SPATA1: variants seen among roughly 807,000 people sequenced by gnomAD.
SPATA1 encodes spermatogenesis-associated protein 1.
A neutral mutation model predicts 59.6 loss-of-function variants in SPATA1; 57 were observed. The observed-to-expected ratio is 0.96, with a 90% CI of 0.77 to 1.19. The LOEUF is 1.19. Ranked by LOEUF, SPATA1 falls within the 50% of genes most tolerant of loss-of-function variation. The pLI, the probability that SPATA1 is intolerant of heterozygous loss-of-function variation, is 0.00. For synonymous variants in SPATA1, 147 were observed against 163.9 expected (o/e 0.90, Z 0.79); for missense variants, 448 against 480.7 (o/e 0.93, Z 0.64).
At chr1:84,515,605 C>G (rs1304291442) in intron 1 of SPATA1, among the ~76,000 whole-genome samples, 1 of 151,966 alleles carries the variant, frequency 6.6e-6, no homozygotes, top group African/African-American at 2.4e-5. Flanking sequence ...ATTCAGCTAC[C>G]TTATTTTTTA....
chr1:84,543,233 C>T (rs983917338), intron 8 of SPATA1, among the ~76,000 whole-genome samples: 17 of 151,876 alleles, frequency 1.1e-4, no homozygotes, highest in African/African-American at 3.6e-4. Flanking sequence ...AATGAGGTAC[C>T]GAAGCATAAT....
At chr1:84,560,307 G>C (rs1684566693) in intron 4 of SPATA1, among the ~76,000 whole-genome samples, 1 of 151,954 alleles carries the variant, frequency 6.6e-6, no homozygotes, top group African/African-American at 2.4e-5. Flanking sequence ...CCTCATTCCA[G>C]AGAGGTCCTA....
At chr1:84,538,406 C>CCA (rs1459638033) in intron 8 of SPATA1, among the ~76,000 whole-genome samples, 7 of 152,160 alleles carry the variant, frequency 4.6e-5, no homozygotes, top group Non-Finnish European at 8.8e-5. Context: ...GGCAACTTGA[C>CCA]CATATCATGA....
At chr1:84,563,164 A>G in intron 4 of SPATA1, 1 of 896,896 alleles carries the variant, frequency 1.1e-6, no homozygotes, top group Non-Finnish European at 1.6e-6. Context: ...CCTAAAAGAA[A>G]ACTGATAGAA....
intron 1 of SPATA1, among the ~76,000 whole-genome samples, chr1:84,511,569 AAAAC>A (rs1682549172): frequency 6.6e-6 from 1 of 151,746 alleles, no homozygotes; most frequent in African/African-American, 2.4e-5. Flanking sequence ...ACGTGTCTAG[AAAAC>A]AAACCTCATT....
intron 1 of SPATA1, chr1:84,507,167 G>A (rs1682297665): frequency 6.6e-6 from 1 of 152,100 alleles, no homozygotes; most frequent in African/African-American, 2.4e-5. Context: ...AGCACTAAGG[G>A]CAGATGTTTC....
At chr1:84,518,393 A>T (rs1682880593) in intron 2 of SPATA1, among the ~76,000 whole-genome samples, 1 of 152,136 alleles carries the variant, frequency 6.6e-6, no homozygotes, top group South Asian at 2.1e-4. Flanking sequence ...CCTTATTTTT[A>T]GAATATGGAT....
chr1:84,522,653 C>T (rs1451671036), intron 4 of SPATA1, 146 bp downstream of exon 4: 2 of 426,502 alleles, frequency 4.7e-6, no homozygotes, highest in Non-Finnish European at 8.3e-6. Context: ...ATTAAACATA[C>T]AGATCAACAA....
chr1:84,538,172 A>G (rs1237731499), intron 8 of SPATA1, among the ~76,000 whole-genome samples: 1 of 152,228 alleles, frequency 6.6e-6, no homozygotes, highest in Admixed American at 6.5e-5. Flanking sequence ...CCTTAGTGTC[A>G]AGTGGTGACA....
In SPATA1 at chr1:84,550,549, A is replaced by C. The variant is rs1166576985; in HGVS notation, c.1224+19A>C. 6.7e-7 allele frequency: 1 copy of C among 1,496,150 alleles called. No homozygotes were observed. Among genetic ancestry groups the C allele is most frequent in the East Asian group, 2.5e-5 (1 of 39,648 alleles). The allele number at this position is 1,496,150 out of a possible 1,614,324, so 92.7% of individuals were successfully genotyped here. On this transcript the variant is annotated intron_variant, in intron 12 of 12. Transcript: ENST00000490879. ...AGTTAAGGTAATTTACATTTTTCCT[A>C]ATCAGATTATTATAACATTTATCTT...
chr1:84,513,648 C>G (rs1570386639), intron 1 of SPATA1, among the ~76,000 whole-genome samples: 1 of 152,318 alleles, frequency 6.6e-6, no homozygotes, highest in East Asian at 1.9e-4. Context: ...ATTCTTGATT[C>G]CTCTCTAGTG....
chr1:84,522,713 G>T (rs1215928929), intron 4 of SPATA1, among the ~76,000 whole-genome samples: 1 of 152,086 alleles, frequency 6.6e-6, no homozygotes, highest in Non-Finnish European at 1.5e-5. Context: ...TGGGTTTTGT[G>T]TGTGAATTTC....
At chr1:84,536,872 TTC>T (rs1167975605) in intron 8 of SPATA1, among the ~76,000 whole-genome samples, 1 of 108,928 alleles carries the variant, frequency 9.2e-6, no homozygotes, top group African/African-American at 3.4e-5. Flanking sequence ...GATTTGTTTT[TTC>T]TTTTTTCTTT....
intron 12 of SPATA1, chr1:84,553,016 AAAGT>A (rs1684324041): frequency 6.8e-7 from 1 of 1,469,442 alleles, no homozygotes. Context: ...TCATTTTTGA[AAAGT>A]AATTCTTTTT....
At chr1:84,516,189 TTG>T in intron 1 of SPATA1, 32 bp from the exon 2 acceptor site, 1 of 537,108 alleles carries the variant, frequency 1.9e-6, no homozygotes, top group South Asian at 3.2e-5. Context: ...TTTAATGCTT[TTG>T]TGTTTTCCTT....
chr1:84,547,821 A>T (rs1200014393), intron 10 of SPATA1, among the ~76,000 whole-genome samples: 1 of 152,228 alleles, frequency 6.6e-6, no homozygotes, highest in Non-Finnish European at 1.5e-5. Flanking sequence ...TTTGGATTTT[A>T]TTCTAAGCAA....
chr1:84,555,436 C>A (rs906894291), downstream of SPATA1, among the ~76,000 whole-genome samples: 18 of 152,172 alleles, frequency 1.2e-4, no homozygotes, highest in Non-Finnish European at 2.5e-4. Flanking sequence ...GTTCAACTTA[C>A]AATTTTTAGA....
At chr1:84,536,551 C>T (rs1048244560) in intron 8 of SPATA1, among the ~76,000 whole-genome samples, 9 of 152,246 alleles carry the variant, frequency 5.9e-5, no homozygotes, top group Non-Finnish European at 1.3e-4. Context: ...GCATGCCATT[C>T]TCCTGCCTCA....
intron 10 of SPATA1, among the ~76,000 whole-genome samples, chr1:84,547,859 C>T (rs1684139454): frequency 6.6e-6 from 1 of 152,008 alleles, no homozygotes; most frequent in African/African-American, 2.4e-5. Context: ...GGATTTTGAG[C>T]TAGGGATTTA....
Sources: allele counts gnomAD v4.1 joint callset (sites outside exome capture counted in the v4.1 genomes callset), GRCh38; gene constraint gnomAD v4.1.1; transcripts MANE v1.5; gene names NCBI Gene and HGNC (gene_info 2026-07-23, HGNC 2026-07-21).